KLHL1: variants seen among roughly 807,000 people sequenced by gnomAD.
KLHL1 encodes kelch like family member 1.
KLHL1 carries 47 observed loss-of-function variants against 77.7 expected under a neutral mutation model. That is an observed-to-expected ratio of 0.60 (90% CI 0.48 to 0.77). The LOEUF (loss-of-function observed/expected upper bound fraction) is 0.77. Among genes scored for constraint, KLHL1 ranks in the 30% least tolerant of loss-of-function variants. The pLI is 0.00. For missense variants in KLHL1, 925 were observed against 910.8 expected (o/e 1.02, Z -0.20); for synonymous variants, 360 against 325.2 (o/e 1.11, Z -1.15).
chr13:69,758,640 T>A (rs1273875717), intron 7 of KLHL1, among the ~76,000 whole-genome samples: 3 of 152,094 alleles, frequency 2.0e-5, no homozygotes, highest in Admixed American at 1.3e-4. Context: ...TAATCCTAAT[T>A]TCCAGTGAAA....
At chr13:69,991,409 C>A (rs754720676) in intron 1 of KLHL1, among the ~76,000 whole-genome samples, 33 of 151,316 alleles carry the variant, frequency 2.2e-4, no homozygotes, top group African/African-American at 4.8e-4. Flanking sequence ...ACAACAACAA[C>A]AAAAAACAGG....
intron 1 of KLHL1, among the ~76,000 whole-genome samples, chr13:70,057,774 C>A (rs1886781561): frequency 1.1e-5 from 1 of 91,686 alleles, no homozygotes; most frequent in Non-Finnish European, 2.0e-5. Flanking sequence ...CAGAGCGAGA[C>A]TCCGTCTCAA....
chr13:69,913,160 T>C (rs1000296861), intron 4 of KLHL1, among the ~76,000 whole-genome samples: 8 of 152,278 alleles, frequency 5.3e-5, no homozygotes, highest in African/African-American at 1.9e-4. Flanking sequence ...TAAGACCTTT[T>C]TGTTTTTCAT....
chr13:69,950,822 G>T (rs1566437498), intron 3 of KLHL1, among the ~76,000 whole-genome samples: 1 of 151,566 alleles, frequency 6.6e-6, no homozygotes. Context: ...CTTAATGCAT[G>T]AAATTATTAG....
chr13:69,795,228 CT>C (rs1420370149), intron 7 of KLHL1, among the ~76,000 whole-genome samples: 1 of 152,198 alleles, frequency 6.6e-6, no homozygotes, highest in East Asian at 1.9e-4. Flanking sequence ...CTTTCCTTCT[CT>C]CTCTCTTTCC....
chr13:70,012,681 C>T (rs1020122539), intron 1 of KLHL1, among the ~76,000 whole-genome samples: 12 of 152,096 alleles, frequency 7.9e-5, no homozygotes, highest in East Asian at 7.7e-4. Flanking sequence ...GAGGCTGAGG[C>T]GGGTGGATCA....
chr13:69,990,017 T>TA (rs959046878), intron 1 of KLHL1, among the ~76,000 whole-genome samples: 1 of 151,946 alleles, frequency 6.6e-6, no homozygotes, highest in Non-Finnish European at 1.5e-5. Context: ...ATTTGAGGCC[T>TA]ATATTCAACA....
chr13:69,952,891 T>C lies in KLHL1; in HGVS notation c.817+8417A>G, dbSNP rs747946009. Among the ~76,000 whole-genome samples the C allele has an allele frequency of 3.2e-4, 49 of 151,450 alleles. 1 individual carries two copies. The highest frequency in any genetic ancestry group is 6.0e-4 in the Admixed American group (9 of 15,118). On this transcript the variant is annotated intron_variant, in intron 3 of 10. Coordinates refer to ENST00000377844, the MANE Select transcript of KLHL1 (RefSeq NM_020866.3). Reference sequence around the variant, plus strand: ...TTTATATTTGCTTGTTTTCCCCCCATACTATCAGCAAATCATATCATCTCT... The same window carrying C: ...TTTATATTTGCTTGTTTTCCCCCCACACTATCAGCAAATCATATCATCTCT...
chr13:70,056,118 T>A (rs1886737991), intron 1 of KLHL1, among the ~76,000 whole-genome samples: 1 of 151,756 alleles, frequency 6.6e-6, no homozygotes, highest in South Asian at 2.1e-4. Flanking sequence ...TATAAAGACA[T>A]GTGCAGACTG....
intron 3 of KLHL1, among the ~76,000 whole-genome samples, chr13:69,946,894 C>A (rs1478762980): frequency 6.6e-6 from 1 of 151,944 alleles, no homozygotes; most frequent in African/African-American, 2.4e-5. Flanking sequence ...TAGGTTGGTA[C>A]AAAAGTAATT....
chr13:69,849,563 C>T (rs1000251769), intron 5 of KLHL1, among the ~76,000 whole-genome samples: 32 of 151,516 alleles, frequency 2.1e-4, no homozygotes, highest in African/African-American at 7.5e-4. Flanking sequence ...CCCGAATCTT[C>T]AGAGTCTAGT....
chr13:69,780,117 A>G (rs1036527897), intron 7 of KLHL1, among the ~76,000 whole-genome samples: 1 of 151,920 alleles, frequency 6.6e-6, no homozygotes, highest in Non-Finnish European at 1.5e-5. Context: ...CATTTTTTCT[A>G]TTTTATCAAT....
At chr13:69,730,059 G>A (rs953663208) in intron 8 of KLHL1, among the ~76,000 whole-genome samples, 1 of 152,088 alleles carries the variant, frequency 6.6e-6, no homozygotes, top group African/African-American at 2.4e-5. Flanking sequence ...AAACTAGATA[G>A]ACAATTTAGT....
chr13:69,878,248 TTTTA>T (rs1880841527), intron 5 of KLHL1, among the ~76,000 whole-genome samples: 1 of 152,204 alleles, frequency 6.6e-6, no homozygotes, highest in South Asian at 2.1e-4. Context: ...ATCTGTTTTT[TTTTA>T]TTTATATATT....
At chr13:69,848,771 G>T (rs1289039960) in intron 5 of KLHL1, among the ~76,000 whole-genome samples, 1 of 151,434 alleles carries the variant, frequency 6.6e-6, no homozygotes, top group African/African-American at 2.4e-5. Context: ...TCTGAATACA[G>T]AAATAGTTGA....
chr13:70,005,646 GTTT>G (rs1253543892), intron 1 of KLHL1, among the ~76,000 whole-genome samples: 3 of 151,494 alleles, frequency 2.0e-5, no homozygotes, highest in Non-Finnish European at 2.9e-5. Context: ...AACACTGCAT[GTTT>G]TAATAATTAG....
chr13:70,082,178 G>A (rs1279481423), intron 1 of KLHL1, among the ~76,000 whole-genome samples: 1 of 152,082 alleles, frequency 6.6e-6, no homozygotes, highest in South Asian at 2.1e-4. Context: ...TGTACAGCCT[G>A]CAGAAATGTG....
chr13:69,805,609 C>T (rs1203296265), intron 6 of KLHL1, among the ~76,000 whole-genome samples: 1 of 150,660 alleles, frequency 6.6e-6, no homozygotes, highest in Admixed American at 6.6e-5. Flanking sequence ...AAGATAATAA[C>T]CTATTTAAGG....
At chr13:69,749,461 T>C (rs183997128) in intron 7 of KLHL1, among the ~76,000 whole-genome samples, 173 of 152,152 alleles carry the variant, frequency 1.1e-3, no homozygotes, top group African/African-American at 3.9e-3. Context: ...TAATTATTTA[T>C]AATTTTTGGA....
Sources: allele counts gnomAD v4.1 joint callset (sites outside exome capture counted in the v4.1 genomes callset), GRCh38; gene constraint gnomAD v4.1.1; transcripts MANE v1.5; gene names NCBI Gene and HGNC (gene_info 2026-07-23, HGNC 2026-07-21).